Variants in NUAK1 observed in about 807,000 individuals in gnomAD.
NUAK1 encodes NUAK family kinase 1.
NUAK1 carries 26 observed loss-of-function variants against 56.9 expected under a neutral mutation model. That is an observed-to-expected ratio of 0.46 (90% CI 0.33 to 0.63). NUAK1 has a LOEUF of 0.63. Ranked by LOEUF, NUAK1 falls within the 30% of genes least tolerant of loss-of-function variation. The pLI is 0.02. For synonymous variants in NUAK1, 337 were observed against 336.0 expected, an observed-to-expected ratio of 1.00 and a Z score of -0.03; for missense variants, 727 against 876.1, an observed-to-expected ratio of 0.83 and a Z score of 2.15.
intron 2 of NUAK1, among the ~76,000 whole-genome samples, chr12:106,087,941 C>T (rs1433408356): frequency 2.6e-5 from 4 of 152,224 alleles, no homozygotes; most frequent in African/African-American, 9.7e-5. Context: ...GATCTCAAGC[C>T]GGTTCCCGGC....
chr12:106,111,759 A>C (rs969703111), intron 1 of NUAK1, among the ~76,000 whole-genome samples: 2 of 152,030 alleles, frequency 1.3e-5, no homozygotes, highest in African/African-American at 2.4e-5. Context: ...CAATATTCTT[A>C]ATAATAGCAA....
Position 106,086,836 on chromosome 12 carries a change from T to G in NUAK1, c.411A>C (p.Lys137Asn). ...KIVIIMEYAS[K>N]GELYDYISER... ...CACTGATGTAATCGTACAGCTCCCC[T>G]TTGCTGGCATATTCCATGATGATCA... Residue 137 changes from lysine (K) to asparagine (N), a missense_variant, in exon 3 of 7, where the codon AAA (lysine) becomes AAC (asparagine). Physicochemically the swap from Lys to Asn is moderately conservative, Grantham distance 94. Transcript: ENST00000261402. 2 of 1,614,124 alleles carry G rather than the reference T, an allele frequency of 1.2e-6. No individual in the cohort carries two copies. Among genetic ancestry groups the G allele is most frequent in the South Asian group, 2.2e-5 (2 of 91,076 alleles).
chr12:106,066,847 A>G lies in NUAK1; in HGVS notation c.1941T>C (p.Thr647=). The part of the protein sequence containing the change: ...FSLLTDMDDV[T]QVYKQALEIC... ...TCTCCAGCGCTTGCTTGTAGACCTG[A>G]GTCACATCATCCATGTCTGTGAGGA... Residue 647 remains threonine, a synonymous_variant, in exon 7 of 7, where the codon ACT becomes ACC. Coordinates refer to ENST00000261402, the MANE Select transcript of NUAK1 (RefSeq NM_014840.3). 1.2e-6 allele frequency: 2 copies of G among 1,614,076 alleles called. No individual in the cohort carries two copies. The highest frequency in any genetic ancestry group is 1.1e-5 in the South Asian group (1 of 91,076).
In NUAK1 at chr12:106,129,299, A is replaced by G. The variant is rs927031985; in HGVS notation, c.240+9115T>C. On this transcript the variant is annotated intron_variant, in intron 1 of 6. Coordinates refer to ENST00000261402, the MANE Select transcript of NUAK1 (RefSeq NM_014840.3). ...CTTCCCTGCTGACTCCCGCCTTCAC[A>G]GACCTCTCCCTTCTCAGGATTGCTG... 2.3e-4 allele frequency among the ~76,000 whole-genome samples: 35 copies of G among 152,238 alleles called. 1 individual carries two copies. Among genetic ancestry groups the G allele is most frequent in the Admixed American group, 2.3e-3 (35 of 15,286 alleles).
At chr12:106,101,665 G>T (rs2032749622) in intron 2 of NUAK1, among the ~76,000 whole-genome samples, 1 of 152,158 alleles carries the variant, frequency 6.6e-6, no homozygotes, top group African/African-American at 2.4e-5. Context: ...CCAGTCTATG[G>T]TATTTTCTTA....
intron 1 of NUAK1, among the ~76,000 whole-genome samples, chr12:106,111,259 A>C (rs2032856047): frequency 1.3e-5 from 2 of 152,162 alleles, no homozygotes; most frequent in East Asian, 3.9e-4. Flanking sequence ...AGCCCACAGC[A>C]AATCATATCA....
intron 2 of NUAK1, among the ~76,000 whole-genome samples, chr12:106,093,541 G>A (rs1047326071): frequency 1.3e-5 from 2 of 152,198 alleles, no homozygotes; most frequent in Non-Finnish European, 2.9e-5. Context: ...AACACAACTT[G>A]TAGAACTTGA....
intron 4 of NUAK1, among the ~76,000 whole-genome samples, chr12:106,078,395 G>A (rs1482346978): frequency 6.6e-6 from 1 of 152,126 alleles, no homozygotes; most frequent in African/African-American, 2.4e-5. Context: ...CTGAGGCACA[G>A]GGTGGTAAAC....
At chr12:106,125,033 A>AATAAATAT (rs1288353082) in intron 1 of NUAK1, among the ~76,000 whole-genome samples, 2 of 151,804 alleles carry the variant, frequency 1.3e-5, no homozygotes, top group Non-Finnish European at 2.9e-5. Context: ...TAAATAAATA[A>AATAAATAT]ATATCTGTTG....
chr12:106,116,718 G>A (rs75928555), intron 1 of NUAK1, among the ~76,000 whole-genome samples: 2,488 of 152,298 alleles, frequency 0.016, 72 homozygotes, highest in African/African-American at 0.057. Context: ...AATATGAGCT[G>A]AATCAGAACC....
intron 4 of NUAK1, among the ~76,000 whole-genome samples, chr12:106,074,460 A>G (rs145673737): frequency 3.9e-5 from 6 of 152,322 alleles, no homozygotes; most frequent in African/African-American, 1.2e-4. Flanking sequence ...AGATGAGGAA[A>G]TTGAGGTTTA....
At chr12:106,094,493 A>G (rs2468199) in intron 2 of NUAK1, among the ~76,000 whole-genome samples, 88,812 of 152,142 alleles carry the variant, frequency 0.58, 28,370 homozygotes, top group African/African-American at 0.88. Flanking sequence ...GTGGGCTCAC[A>G]GCTTCACTAA....
chr12:106,120,958 T>G (rs2032968097), intron 1 of NUAK1, among the ~76,000 whole-genome samples: 1 of 152,196 alleles, frequency 6.6e-6, no homozygotes, highest in Non-Finnish European at 1.5e-5. Flanking sequence ...TAGCAGTGCA[T>G]TACAGTGACC....
chr12:106,098,917 G>T (rs2032721861), intron 2 of NUAK1, among the ~76,000 whole-genome samples: 1 of 151,896 alleles, frequency 6.6e-6, no homozygotes, highest in African/African-American at 2.4e-5. Context: ...TTCCTTTTCA[G>T]CTTTTTTTTC....
intron 1 of NUAK1, among the ~76,000 whole-genome samples, chr12:106,118,760 C>G (rs1482584383): frequency 6.6e-6 from 1 of 152,228 alleles, no homozygotes; most frequent in Admixed American, 6.5e-5. Flanking sequence ...TGGTTTGAGA[C>G]ACTGCTCTTC....
chr12:106,119,902 C>T (rs1400558474), intron 1 of NUAK1, among the ~76,000 whole-genome samples: 2 of 152,026 alleles, frequency 1.3e-5, no homozygotes, highest in Non-Finnish European at 1.5e-5. Flanking sequence ...GTGTGCATCC[C>T]GATGAGAAAG....
intron 4 of NUAK1, among the ~76,000 whole-genome samples, chr12:106,083,020 G>A (rs1412843475): frequency 1.3e-5 from 2 of 152,140 alleles, no homozygotes; most frequent in African/African-American, 2.4e-5. Flanking sequence ...TTATTTTGTA[G>A]ACGTGGTCAA....
At chr12:106,098,660 C>T (rs544635390) in intron 2 of NUAK1, among the ~76,000 whole-genome samples, 2 of 152,194 alleles carry the variant, frequency 1.3e-5, no homozygotes, top group East Asian at 3.9e-4. Context: ...AAGTCACAGG[C>T]CGAATCTCCC....
chr12:106,096,998 C>T (rs927917743), intron 2 of NUAK1, among the ~76,000 whole-genome samples: 1 of 152,204 alleles, frequency 6.6e-6, no homozygotes, highest in African/African-American at 2.4e-5. Flanking sequence ...AATCTCCCGA[C>T]AGAAGTTTCT....
Sources: gnomAD v4.1 joint callset for allele counts (sites outside exome capture counted in the v4.1 genomes callset) on GRCh38, gnomAD v4.1.1 for gene constraint, MANE v1.5 for transcripts, NCBI Gene and HGNC (gene_info 2026-07-23, HGNC 2026-07-21) for gene names.